MACROD2: variants seen among roughly 807,000 people sequenced by gnomAD.
MACROD2 encodes ADP-ribose glycohydrolase MACROD2.
In MACROD2, 36 loss-of-function variants were observed where a neutral mutation model predicts 70.4. That is an observed-to-expected ratio of 0.51 (90% CI 0.39 to 0.68). The LOEUF (loss-of-function observed/expected upper bound fraction) is 0.68. Among genes scored for constraint, MACROD2 ranks in the 30% least tolerant of loss-of-function variants. The probability of loss-of-function intolerance (pLI) is 0.00; values close to 1 mark genes in which losing one functional copy is unlikely to be tolerated. For synonymous variants in MACROD2, 172 were observed against 178.8 expected (o/e 0.96, Z 0.30); for missense variants, 496 against 538.4 (o/e 0.92, Z 0.78).
chr20:14,055,771 C>T (rs965664444), intron 2 of MACROD2, among the ~76,000 whole-genome samples: 11 of 150,720 alleles, frequency 7.3e-5, no homozygotes, highest in African/African-American at 2.7e-4. Flanking sequence ...CCTGTCCCTT[C>T]TCCTCTTATA....
chr20:14,740,929 T>C (rs1270212714), intron 5 of MACROD2, among the ~76,000 whole-genome samples: 1 of 152,152 alleles, frequency 6.6e-6, no homozygotes. Flanking sequence ...TCTGCTTCAG[T>C]TCCTTTGTGT....
chr20:14,148,724 C>T (rs1214861668), intron 3 of MACROD2, among the ~76,000 whole-genome samples: 1 of 152,132 alleles, frequency 6.6e-6, no homozygotes, highest in African/African-American at 2.4e-5. Flanking sequence ...GTCATTTCCT[C>T]TCACTTATTT....
intron 8 of MACROD2, among the ~76,000 whole-genome samples, chr20:15,635,435 C>T (rs2049348565): frequency 6.6e-6 from 1 of 152,168 alleles, no homozygotes; most frequent in Non-Finnish European, 1.5e-5. Flanking sequence ...ATGTCCTCTG[C>T]AGCAACATGG....
chr20:15,713,713 C>T (rs1324489839), intron 8 of MACROD2, among the ~76,000 whole-genome samples: 1 of 152,066 alleles, frequency 6.6e-6, no homozygotes, highest in African/African-American at 2.4e-5. Context: ...TAAAATTCAG[C>T]ATGAGATTTG....
chr20:15,813,418 A>G (rs1019964399), intron 8 of MACROD2, among the ~76,000 whole-genome samples: 3 of 152,194 alleles, frequency 2.0e-5, no homozygotes, highest in Non-Finnish European at 4.4e-5. Flanking sequence ...GCAGGGACTC[A>G]GGAAAGTTTT....
At chr20:14,214,528 AAC>A (rs2081598253) in intron 3 of MACROD2, among the ~76,000 whole-genome samples, 1 of 151,458 alleles carries the variant, frequency 6.6e-6, no homozygotes, top group African/African-American at 2.4e-5. Context: ...TAATTTTTTT[AAC>A]ATTTAACCTG....
chr20:14,524,783 C>G (rs1198656044), intron 4 of MACROD2, among the ~76,000 whole-genome samples: 1 of 152,184 alleles, frequency 6.6e-6, no homozygotes. Context: ...AACCTTCTCG[C>G]TAGCTTCCCC....
At chr20:15,484,048 T>TTTTATTTTA (rs2047133295) in intron 7 of MACROD2, among the ~76,000 whole-genome samples, 1 of 106,578 alleles carries the variant, frequency 9.4e-6, no homozygotes, top group Admixed American at 1.0e-4. Flanking sequence ...ATGCCTTTTA[T>TTTTATTTTA]TTTATTTTAT....
chr20:15,918,266 T>C (rs1279218799), intron 10 of MACROD2, among the ~76,000 whole-genome samples: 2 of 152,244 alleles, frequency 1.3e-5, no homozygotes, highest in African/African-American at 2.4e-5. Flanking sequence ...ATAATGTTTC[T>C]TCCTGAAATT....
At chr20:15,200,259 C>T (rs964905648) in intron 5 of MACROD2, among the ~76,000 whole-genome samples, 2 of 152,202 alleles carry the variant, frequency 1.3e-5, no homozygotes, top group African/African-American at 4.8e-5. Flanking sequence ...GATTTAAATA[C>T]TGAAACTTCA....
chr20:14,769,327 A>T (rs573637422), intron 5 of MACROD2, among the ~76,000 whole-genome samples: 3 of 152,206 alleles, frequency 2.0e-5, no homozygotes, highest in Admixed American at 6.5e-5. Flanking sequence ...CCCACCTGTG[A>T]TGTAGAATCT....
intron 8 of MACROD2, among the ~76,000 whole-genome samples, chr20:15,656,420 T>C (rs1316232922): frequency 6.6e-6 from 1 of 152,202 alleles, no homozygotes; most frequent in African/African-American, 2.4e-5. Context: ...CTTGCATCTC[T>C]CAAGTGTGAC....
chr20:15,418,835 G>C (rs771086343), intron 6 of MACROD2, among the ~76,000 whole-genome samples: 1 of 152,146 alleles, frequency 6.6e-6, no homozygotes, highest in Non-Finnish European at 1.5e-5. Context: ...CAGGTCTCAG[G>C]GGGGCCTTTC....
chr20:14,154,049 G>A (rs978415429), intron 3 of MACROD2, among the ~76,000 whole-genome samples: 6 of 152,166 alleles, frequency 3.9e-5, no homozygotes, highest in African/African-American at 1.2e-4. Context: ...AAGTGCAGGC[G>A]TTTCCCAAGA....
At chr20:14,912,108 T>C (rs1282639779) in intron 5 of MACROD2, among the ~76,000 whole-genome samples, 1 of 152,132 alleles carries the variant, frequency 6.6e-6, no homozygotes, top group Non-Finnish European at 1.5e-5. Context: ...GTCCCATCTC[T>C]ACTGCGTACC....
At chr20:14,760,362 G>A (rs1244179148) in intron 5 of MACROD2, among the ~76,000 whole-genome samples, 2 of 152,106 alleles carry the variant, frequency 1.3e-5, no homozygotes, top group African/African-American at 4.8e-5. Context: ...TAAGCATACA[G>A]AAATGATGCA....
chr20:15,229,357 C>T (rs2076939871), intron 5 of MACROD2, among the ~76,000 whole-genome samples: 1 of 152,020 alleles, frequency 6.6e-6, no homozygotes, highest in African/African-American at 2.4e-5. Context: ...TATTAGCATA[C>T]CTTATGTAGG....
chr20:14,632,104 G>C (rs536404132), intron 4 of MACROD2, among the ~76,000 whole-genome samples: 1 of 151,548 alleles, frequency 6.6e-6, no homozygotes, highest in African/African-American at 2.4e-5. Context: ...CTGGCTATAA[G>C]GAATATTGAT....
chr20:14,518,947 A>G (rs2085134514), intron 4 of MACROD2, among the ~76,000 whole-genome samples: 1 of 152,228 alleles, frequency 6.6e-6, no homozygotes, highest in Non-Finnish European at 1.5e-5. Context: ...ATGAAAGCAG[A>G]GAAAAGATTA....
Sources: gnomAD v4.1 joint callset for allele counts (sites outside exome capture counted in the v4.1 genomes callset) on GRCh38, gnomAD v4.1.1 for gene constraint, MANE v1.5 for transcripts, NCBI Gene and HGNC (gene_info 2026-07-23, HGNC 2026-07-21) for gene names.